Variants in ADCY9 observed in about 807,000 individuals in gnomAD.
The protein encoded by ADCY9 is adenylate cyclase 9.
ADCY9 carries 50 observed loss-of-function variants against 101.5 expected under a neutral mutation model. The observed-to-expected ratio is 0.49, with a 90% CI of 0.39 to 0.62. ADCY9 has a LOEUF of 0.62. Ranked by LOEUF, ADCY9 falls within the 20% of genes least tolerant of loss-of-function variation. ADCY9 has a pLI of 0.00. For missense variants in ADCY9, 1,662 were observed against 1,800.4 expected, an observed-to-expected ratio of 0.92 and a Z score of 1.39; for synonymous variants, 905 against 769.3, an observed-to-expected ratio of 1.18 and a Z score of -2.92.
chr16:4,077,584 A>G (rs919731435), intron 2 of ADCY9, among the ~76,000 whole-genome samples: 2 of 152,192 alleles, frequency 1.3e-5, no homozygotes, highest in African/African-American at 4.8e-5. Flanking sequence ...GAGAATAGGC[A>G]TATTTTTGGC....
intron 10 of ADCY9, among the ~76,000 whole-genome samples, chr16:3,972,433 A>T (rs1172878828): frequency 6.6e-6 from 1 of 151,952 alleles, no homozygotes; most frequent in Non-Finnish European, 1.5e-5. Context: ...TTTCACAAAC[A>T]TGTTGGTCAG....
At chr16:3,984,664 G>C (rs1304981894) in intron 6 of ADCY9, among the ~76,000 whole-genome samples, 1 of 152,212 alleles carries the variant, frequency 6.6e-6, no homozygotes, top group Non-Finnish European at 1.5e-5. Context: ...GAAGGTGTAG[G>C]ATCCAAAGGC....
chr16:3,974,480 T>A (rs1003936180), intron 10 of ADCY9, among the ~76,000 whole-genome samples, 189 bp downstream of exon 10: 3 of 152,256 alleles, frequency 2.0e-5, no homozygotes, highest in African/African-American at 7.2e-5. Flanking sequence ...AAAACTAATT[T>A]TATTTTCCCC....
At chr16:4,044,531 C>G (rs1157366012) in intron 2 of ADCY9, among the ~76,000 whole-genome samples, 3 of 152,132 alleles carry the variant, frequency 2.0e-5, no homozygotes, top group Non-Finnish European at 2.9e-5. Context: ...CTGGATTTCT[C>G]CATTATAAAC....
In ADCY9 at chr16:3,992,550, C is replaced by T. The variant is rs180795625; in HGVS notation, c.1990-187G>A. Among the ~76,000 whole-genome samples, 4 of 152,298 alleles carry T rather than the reference C, an allele frequency of 2.6e-5. No individual in the cohort carries two copies. In the East Asian group the frequency reaches 5.8e-4, roughly 22 times the overall value. ...TGCTCCAATCCCAGCCCTGACTGCC[C>T]GTCTGCTCCTTCCTGTTACCCAACA... On this transcript the variant is annotated intron_variant, in intron 4 of 10. Coordinates refer to ENST00000294016, the MANE Select transcript of ADCY9 (RefSeq NM_001116.4). The surrounding 1 kb of genome is among the most constrained non-coding windows in gnomAD (Gnocchi z 4.2).
intron 2 of ADCY9, among the ~76,000 whole-genome samples, chr16:4,015,915 C>G (rs2056435494): frequency 6.6e-6 from 1 of 151,800 alleles, no homozygotes; most frequent in South Asian, 2.1e-4. Context: ...TTGCAGATAG[C>G]CGAGATCACG....
intron 2 of ADCY9, among the ~76,000 whole-genome samples, chr16:4,036,705 G>T (rs1316864845): frequency 6.6e-6 from 1 of 152,010 alleles, no homozygotes; most frequent in African/African-American, 2.4e-5. Context: ...CAGGTGATCT[G>T]CCTGTCTTGG....
At chr16:4,014,425 ATCT>A (rs1344499744) in intron 2 of ADCY9, among the ~76,000 whole-genome samples, 1 of 151,732 alleles carries the variant, frequency 6.6e-6, no homozygotes, top group Non-Finnish European at 1.5e-5. Context: ...GTTTAATTTG[ATCT>A]TCTGCTTAAC....
rs1358319796 is a variant in ADCY9 at position 3,955,272 on chromosome 16, C to A, written c.568-1756G>T. Reference sequence around the variant, plus strand: ...AGGCGAGGTGGCTCACGCCTGTCATCCCAGCACTTTGGGAGGTGGAGGAGA... The same window carrying A: ...AGGCGAGGTGGCTCACGCCTGTCATACCAGCACTTTGGGAGGTGGAGGAGA... On this transcript the variant is annotated intron_variant, in intron 5 of 5. Coordinates refer to the ADCY9 transcript ENST00000576936. 2.0e-5 allele frequency among the ~76,000 whole-genome samples: 3 copies of A among 151,438 alleles called. No individual in the cohort carries two copies. In the East Asian group the frequency reaches 5.8e-4, roughly 29 times the overall value.
chr16:4,113,599 GA>G, intron 2 of ADCY9, 150 bp downstream of exon 2: 1 of 1,073,124 alleles, frequency 9.3e-7, no homozygotes, highest in Non-Finnish European at 1.4e-6. Flanking sequence ...CCCGCTGAAA[GA>G]AAAGTCACAC....
intron 2 of ADCY9, among the ~76,000 whole-genome samples, chr16:4,091,843 T>C: frequency 6.6e-6 from 1 of 152,064 alleles, no homozygotes; most frequent in East Asian, 1.9e-4. Flanking sequence ...GGGTGTAGGG[T>C]TTCCTTCTAG....
Position 3,992,051 on chromosome 16 carries a change from A to C in ADCY9, c.2207+95T>G. The stretch of plus-strand genomic sequence containing the variant: ...GCGCCACTGCACTGCAGCCTGGATG[A>C]CAGAGCGAGACTCAGTCTTAAAGAA... On this transcript the variant is annotated intron_variant, in intron 5 of 10. Coordinates refer to ENST00000294016, the MANE Select transcript of ADCY9 (RefSeq NM_001116.4). This position sits in a 1 kb window ranked among gnomAD's most constrained non-coding sequence, Gnocchi z 4.2. 2 of 1,272,686 alleles carry C rather than the reference A, an allele frequency of 1.6e-6. No homozygotes were observed. Among genetic ancestry groups the C allele is most frequent in the Middle Eastern group, 2.7e-4 (1 of 3,694 alleles). The allele number at this position is 1,272,686 out of a possible 1,614,324, so 78.8% of individuals were successfully genotyped here.
intron 2 of ADCY9, among the ~76,000 whole-genome samples, chr16:4,072,011 G>C (rs1287733090): frequency 6.6e-6 from 1 of 152,114 alleles, no homozygotes; most frequent in Admixed American, 6.5e-5. Context: ...CCGAGTGATC[G>C]ATGTTATATA....
At chr16:3,974,521 CG>C (rs1479622615) in intron 10 of ADCY9, 147 bp downstream of exon 10, 10 of 601,912 alleles carry the variant, frequency 1.7e-5, no homozygotes, top group Non-Finnish European at 3.0e-5. Flanking sequence ...TACAGTTCAA[CG>C]AGGAGATATT....
In ADCY9 at chr16:4,115,074, G is replaced by A. The variant is rs760480608; in HGVS notation, c.369C>T (p.Ile123=). The change falls in exon 2 of 11, where the codon ATC becomes ATT. Residue 123 remains isoleucine, a synonymous_variant. Coordinates refer to ENST00000294016, the MANE Select transcript of ADCY9 (RefSeq NM_001116.4). This position sits in a 1 kb window ranked among gnomAD's most constrained non-coding sequence, Gnocchi z 6.2. ...QRRFRYALFY[I]GFACLLWSIY... ...TGCTCCACAGAAGGCAGGCGAAGCCGATGTAGAAGAGCGCATACCGGAACC... is the reference window on the plus strand; with the variant it reads ...TGCTCCACAGAAGGCAGGCGAAGCCAATGTAGAAGAGCGCATACCGGAACC... The A allele has an allele frequency of 1.2e-6, 2 of 1,613,882 alleles. No individual in the cohort carries two copies. Among genetic ancestry groups the A allele is most frequent in the Admixed American group, 1.7e-5 (1 of 60,010 alleles).
intron 8 of ADCY9, 144 bp downstream of exon 8, chr16:3,978,972 C>G: frequency 3.9e-6 from 4 of 1,037,800 alleles, no homozygotes; most frequent in African/African-American, 1.6e-5. Context: ...ACCTCCACCT[C>G]CCACAGTGCT....
chr16:3,988,770 T>C (rs2056219334), intron 6 of ADCY9, among the ~76,000 whole-genome samples: 1 of 152,136 alleles, frequency 6.6e-6, no homozygotes, highest in Admixed American at 6.5e-5. Context: ...GGGCTAGTAA[T>C]GGCGAGGCTG....
intron 7 of ADCY9, 43 bp downstream of exon 7, chr16:3,983,189 G>A: frequency 6.6e-7 from 1 of 1,504,986 alleles, no homozygotes; most frequent in Non-Finnish European, 8.9e-7. Flanking sequence ...AGAAGAGGGA[G>A]CTAACGGCTC....
At chr16:4,041,504 A>C (rs75856292) in intron 2 of ADCY9, among the ~76,000 whole-genome samples, 1 of 90,946 alleles carries the variant, frequency 1.1e-5, no homozygotes, top group Admixed American at 1.4e-4. Flanking sequence ...CCGTATTAAA[A>C]CCAAAAAAAA....
Sources: allele counts gnomAD v4.1 joint callset (sites outside exome capture counted in the v4.1 genomes callset), GRCh38; gene constraint gnomAD v4.1.1; non-coding constraint Gnocchi (gnomAD v3.1); transcripts MANE v1.5; gene names NCBI Gene and HGNC (gene_info 2026-07-23, HGNC 2026-07-21).